Variants in FGD4 observed in about 807,000 individuals in gnomAD.
The protein encoded by FGD4 is FYVE, RhoGEF and PH domain containing 4.
A neutral mutation model predicts 102.0 loss-of-function variants in FGD4; 42 were observed. The ratio of observed to expected loss-of-function variants is 0.41; its 90% confidence interval spans 0.32 to 0.53. FGD4 has a LOEUF of 0.53. FGD4 is among the 20% of genes least tolerant of loss of function. FGD4 has a pLI of 0.21. For missense variants in FGD4, 902 were observed against 1,078.2 expected, an observed-to-expected ratio of 0.84 and a Z score of 2.29; for synonymous variants, 380 against 375.7, an observed-to-expected ratio of 1.01 and a Z score of -0.13.
intron 5 of FGD4, among the ~76,000 whole-genome samples, chr12:32,600,163 T>C (rs977881575): frequency 3.1e-4 from 47 of 152,230 alleles, no homozygotes; most frequent in African/African-American, 1.0e-3. Context: ...TAAGCCAAAA[T>C]CAAATGATAT....
Position 32,582,514 on chromosome 12 carries a change from G to T in FGD4, c.1011+47G>T. ...TGAGCAGGGAAAACCCTGCCTATTC[G>T]ATTGTTGTCTTAAAACTCTTTATTT... On this transcript the variant is annotated intron_variant, in intron 4 of 16. Coordinates refer to ENST00000534526, the MANE Select transcript of FGD4 (RefSeq NM_001370298.3). 2.5e-6 allele frequency: 4 copies of T among 1,600,480 alleles called. No homozygotes were observed. The South Asian group carries it at 3.3e-5, about 13-fold the overall frequency.
intron 15 of FGD4, among the ~76,000 whole-genome samples, chr12:32,635,266 T>G (rs559990586): frequency 1.3e-5 from 2 of 152,254 alleles, no homozygotes; most frequent in Non-Finnish European, 2.9e-5. Flanking sequence ...GAACAGAGCC[T>G]CAAGACTTAA....
chr12:32,606,574 G>A (rs1426640267), intron 7 of FGD4, among the ~76,000 whole-genome samples: 17 of 151,250 alleles, frequency 1.1e-4, no homozygotes, highest in Admixed American at 1.1e-3. Flanking sequence ...TCGCTCCCTA[G>A]TCTGTCTTTT....
intron 1 of FGD4, among the ~76,000 whole-genome samples, chr12:32,405,253 A>T (rs926699214): frequency 1.0e-4 from 13 of 127,988 alleles, no homozygotes; most frequent in Non-Finnish European, 3.2e-5. Flanking sequence ...TTTAAAGAGC[A>T]GTCAGTGGTT....
chr12:32,532,306 A>G (rs1305856802), intron 1 of FGD4, among the ~76,000 whole-genome samples: 1 of 152,208 alleles, frequency 6.6e-6, no homozygotes, highest in Non-Finnish European at 1.5e-5. Flanking sequence ...GTAAAGGGTG[A>G]CTGCTATACC....
intron 1 of FGD4, among the ~76,000 whole-genome samples, chr12:32,490,678 T>C (rs962341302): frequency 3.9e-5 from 6 of 152,186 alleles, no homozygotes; most frequent in Non-Finnish European, 8.8e-5. Flanking sequence ...ATTACAGGCA[T>C]GAGCCACCGC....
In FGD4 at chr12:32,645,613, T is replaced by C. The variant is rs1951370118; in HGVS notation, c.*5080T>C. On this transcript the variant is annotated 3_prime_UTR_variant, in exon 17 of 17. Coordinates refer to ENST00000534526, the MANE Select transcript of FGD4 (RefSeq NM_001370298.3). ...GGCAAAACCCTGTCTCTACAAAAAT[T>C]AGCCAGGTGTGGTGGCACATGCCTG... 6.6e-6 allele frequency: 1 copy of C among 152,298 alleles called. No individual in the cohort carries two copies. Among genetic ancestry groups the C allele is most frequent in the South Asian group, 2.1e-4 (1 of 4,822 alleles). 9.4% of individuals were successfully genotyped at this position (152,298 alleles called of 1,614,324 possible). A position where few individuals can be genotyped will look rare whatever the true frequency, so the allele number is the denominator to read the frequency against.
chr12:32,465,247 A>G (rs1299421961), intron 1 of FGD4, among the ~76,000 whole-genome samples: 1 of 150,030 alleles, frequency 6.7e-6, no homozygotes, highest in Non-Finnish European at 1.5e-5. Context: ...ACAGTCGATT[A>G]ATACATATTT....
At chr12:32,603,420 C>T (rs1948553252) in intron 7 of FGD4, among the ~76,000 whole-genome samples, 1 of 151,574 alleles carries the variant, frequency 6.6e-6, no homozygotes, top group Admixed American at 6.6e-5. Context: ...AGTCTCGCTG[C>T]TCTGTTGCCC....
chr12:32,558,393 T>C (rs1336385577), intron 1 of FGD4, among the ~76,000 whole-genome samples: 1 of 152,214 alleles, frequency 6.6e-6, no homozygotes, highest in African/African-American at 2.4e-5. Flanking sequence ...CATTGAGATC[T>C]CCTGGGCTAG....
chr12:32,494,357 GTTCAATGGACCAAT>G (rs1937661066), intron 1 of FGD4, among the ~76,000 whole-genome samples: 1 of 152,118 alleles, frequency 6.6e-6, no homozygotes, highest in South Asian at 2.1e-4. Context: ...CTACACAGCT[GTTCAATGGACCAAT>G]TTATGAGGGA....
At chr12:32,404,107 T>C (rs1284191129) in intron 1 of FGD4, among the ~76,000 whole-genome samples, 1 of 151,924 alleles carries the variant, frequency 6.6e-6, no homozygotes, top group Non-Finnish European at 1.5e-5. Context: ...TTGCTTGCCT[T>C]TGGGCACCTC....
intron 11 of FGD4, among the ~76,000 whole-genome samples, chr12:32,620,519 T>C (rs1474813303): frequency 3.2e-5 from 4 of 125,116 alleles, no homozygotes; most frequent in Non-Finnish European, 6.5e-5. Flanking sequence ...TTTTTTTCTT[T>C]CTTTTTTTTT....
chr12:32,482,810 G>A lies in FGD4; in HGVS notation c.167-81327G>A, dbSNP rs565859250. ...ATTTTGACAAACTTTGGGAGGATAA[G>A]CAGACGTTCTGCACTTTAGAAATCA... On this transcript the variant is annotated intron_variant, in intron 1 of 16. Coordinates refer to ENST00000534526, the MANE Select transcript of FGD4 (RefSeq NM_001370298.3). Among the ~76,000 whole-genome samples, 10 of 152,310 alleles carry A rather than the reference G, an allele frequency of 6.6e-5. No individual in the cohort carries two copies. The East Asian group carries it at 1.7e-3, about 26-fold the overall frequency.
At chr12:32,621,990 C>T (rs1219337477) in intron 11 of FGD4, among the ~76,000 whole-genome samples, 1 of 151,916 alleles carries the variant, frequency 6.6e-6, no homozygotes, top group Non-Finnish European at 1.5e-5. Flanking sequence ...TGGGTTCAAG[C>T]GATTTTTGTG....
At chr12:32,575,450 A>C (rs1168333080) in intron 2 of FGD4, among the ~76,000 whole-genome samples, 1 of 152,184 alleles carries the variant, frequency 6.6e-6, no homozygotes, top group East Asian at 1.9e-4. Flanking sequence ...GGAGGAACTA[A>C]TGGAGCAAGA....
rs1218426451 is a variant in FGD4, at chr12:32,645,354, A to G, written c.*4821A>G. 6.6e-6 allele frequency: 1 copy of G among 152,210 alleles called. No homozygotes were observed. Among genetic ancestry groups the G allele is most frequent in the African/African-American group, 2.4e-5 (1 of 41,456 alleles). 9.4% of individuals were successfully genotyped at this position (152,210 alleles called of 1,614,324 possible). A position where few individuals can be genotyped will look rare whatever the true frequency, so the allele number is the denominator to read the frequency against. ...TGAGTGACAATTGACATTTTAAAATAAGCATAGGCCGGGCATAGTGGCTCA... is the reference window on the plus strand; with the variant it reads ...TGAGTGACAATTGACATTTTAAAATGAGCATAGGCCGGGCATAGTGGCTCA... On this transcript the variant is annotated 3_prime_UTR_variant, in exon 17 of 17. Coordinates refer to ENST00000534526, the MANE Select transcript of FGD4 (RefSeq NM_001370298.3).
chr12:32,484,881 AC>A (rs1370645393), intron 1 of FGD4, among the ~76,000 whole-genome samples: 3 of 152,164 alleles, frequency 2.0e-5, no homozygotes, highest in African/African-American at 4.8e-5. Flanking sequence ...CAGAAAAAAA[AC>A]AAAATAAAAA....
At chr12:32,407,269 G>GCACCTAC (rs1437709247) in intron 1 of FGD4, among the ~76,000 whole-genome samples, 2 of 151,590 alleles carry the variant, frequency 1.3e-5, no homozygotes, top group East Asian at 3.9e-4. Context: ...GGGATTACAG[G>GCACCTAC]CACCTACCAC....
Sources: gnomAD v4.1 joint callset for allele counts (sites outside exome capture counted in the v4.1 genomes callset) on GRCh38, gnomAD v4.1.1 for gene constraint, MANE v1.5 for transcripts, NCBI Gene and HGNC (gene_info 2026-07-23, HGNC 2026-07-21) for gene names.